Variants in ADGRF5 observed in about 807,000 individuals in gnomAD.
ADGRF5 encodes G-protein coupled receptor 116.
A neutral mutation model predicts 132.3 loss-of-function variants in ADGRF5; 75 were observed. The ratio of observed to expected loss-of-function variants is 0.57; its 90% CI spans 0.47 to 0.69. The LOEUF (loss-of-function observed/expected upper bound fraction) is 0.69, where lower values mean the gene tolerates loss of function less well. Among genes scored for constraint, ADGRF5 ranks in the 30% least tolerant of loss-of-function variants. The pLI is 0.00. For missense variants in ADGRF5, 1,516 were observed against 1,630.6 expected (o/e 0.93, Z 1.21); for synonymous variants, 629 against 597.6 (o/e 1.05, Z -0.77).
intron 4 of ADGRF5, among the ~76,000 whole-genome samples, chr6:46,887,595 T>A (rs575034333): frequency 6.6e-6 from 1 of 152,346 alleles, no homozygotes; most frequent in South Asian, 2.1e-4. Context: ...GATGGACTAT[T>A]TGAAATATGC....
intron 15 of ADGRF5, among the ~76,000 whole-genome samples, chr6:46,862,073 AC>A (rs768040929): frequency 3.3e-5 from 5 of 152,224 alleles, no homozygotes; most frequent in Non-Finnish European, 5.9e-5. Context: ...CATGCTTTGC[AC>A]ATAGTAGAGA....
Position 46,853,349 on chromosome 6 carries a change from A to G in ADGRF5, c.*643T>C, listed in dbSNP as rs1168241131. 1 of 151,976 alleles carries G rather than the reference A, an allele frequency of 6.6e-6. No homozygotes were observed. Among genetic ancestry groups the G allele is most frequent in the East Asian group, 1.9e-4 (1 of 5,174 alleles). The allele number at this position is 151,976 out of a possible 1,614,324, so 9.4% of individuals were successfully genotyped here. On this transcript the variant is annotated 3_prime_UTR_variant, in exon 21 of 21. Coordinates refer to ENST00000283296, the MANE Select transcript of ADGRF5 (RefSeq NM_001098518.2). ...TCCTCCTCTTAGCTAAGAAGACATC[A>G]GGAAGATACTGCCCAAAGTATTCAT...
At chr6:46,925,319 G>A (rs1427873799), upstream of ADGRF5, among the ~76,000 whole-genome samples, 4 of 152,150 alleles carry the variant, frequency 2.6e-5, no homozygotes, top group African/African-American at 4.8e-5. Context: ...TGCTTTCTTA[G>A]TGAGGCCTTC....
chr6:46,894,444 G>T (rs1012074750), intron 3 of ADGRF5, among the ~76,000 whole-genome samples: 1 of 152,136 alleles, frequency 6.6e-6, no homozygotes, highest in Non-Finnish European at 1.5e-5. Context: ...CTAGGGAAGA[G>T]AATTCATTCC....
intron 1 of ADGRF5, among the ~76,000 whole-genome samples, chr6:46,945,233 T>C (rs1368402195): frequency 1.3e-5 from 2 of 152,208 alleles, no homozygotes; most frequent in Non-Finnish European, 2.9e-5. Flanking sequence ...TTAAAACTCA[T>C]ATAGGAAGTG....
chr6:46,891,538 C>T (rs1773637278), intron 3 of ADGRF5, among the ~76,000 whole-genome samples: 2 of 151,748 alleles, frequency 1.3e-5, no homozygotes, highest in South Asian at 4.3e-4. Context: ...TGGTAGCTGC[C>T]TTTTGGATGG....
chr6:46,881,436 TCTAAACAATTTC>T lies in ADGRF5; in HGVS notation c.814+7_814+18del, dbSNP rs770782804. ...CATAACCATAAATAACATGACCATA[TCTAAACAATTTC>T]ACTTACTGATAGTAACTGCTTGAAA... On this transcript the variant is annotated splice_region_variant and intron_variant, in intron 8 of 20. Transcript: ENST00000283296. The T allele has an allele frequency of 1.4e-5, 23 of 1,604,604 alleles. No individual in the cohort carries two copies. The highest frequency in any genetic ancestry group is 2.0e-5 in the Non-Finnish European group (23 of 1,171,572).
intron 1 of ADGRF5, among the ~76,000 whole-genome samples, chr6:46,930,786 C>T (rs1051027282): frequency 6.6e-6 from 1 of 152,208 alleles, no homozygotes; most frequent in Non-Finnish European, 1.5e-5. Context: ...GGTGCGGCAG[C>T]TCACGCCTGT....
chr6:46,882,145 T>C, intron 6 of ADGRF5, 38 bp from the exon 7 acceptor site: 1 of 1,386,820 alleles, frequency 7.2e-7, no homozygotes, highest in South Asian at 1.2e-5. Flanking sequence ...TATATCAAAG[T>C]CGAGAAATAG....
At chr6:46,891,371 G>A (rs191846942) in intron 3 of ADGRF5, among the ~76,000 whole-genome samples, 59 of 152,282 alleles carry the variant, frequency 3.9e-4, no homozygotes, top group African/African-American at 1.3e-3. Flanking sequence ...GAGGAGAAAG[G>A]CTGCATAATA....
chr6:46,882,066 C>T lies in ADGRF5; in HGVS notation c.654G>A (p.Val218=). The part of the protein sequence containing the change: ...GYGILPGFKG[V]TVTGFKSGSV... ...ATTCTTACTTGAACCCTGTCACAGTCACGCCCTTGAAGCCTGGTAAAATTC... is the reference window on the plus strand; with the variant it reads ...ATTCTTACTTGAACCCTGTCACAGTTACGCCCTTGAAGCCTGGTAAAATTC... Residue 218 remains valine (V), a synonymous_variant, in exon 7 of 21, where the codon GTG becomes GTA. Coordinates refer to ENST00000283296, the MANE Select transcript of ADGRF5 (RefSeq NM_001098518.2). 1 of 1,610,442 alleles carries T rather than the reference C, an allele frequency of 6.2e-7. No individual in the cohort carries two copies. Among genetic ancestry groups the T allele is most frequent in the Non-Finnish European group, 8.5e-7 (1 of 1,176,736 alleles).
chr6:46,856,846 T>C (rs754978479), intron 18 of ADGRF5, 21 bp downstream of exon 18: 2 of 1,608,074 alleles, frequency 1.2e-6, no homozygotes, highest in South Asian at 1.1e-5. Context: ...TCTAGAAACA[T>C]GAAACTGTCA....
In ADGRF5 at chr6:46,919,674, C is replaced by A. The variant is rs115700912; in HGVS notation, c.-25+2039G>T. Among the ~76,000 whole-genome samples, 1,509 of 152,210 alleles carry A rather than the reference C, an allele frequency of 9.9e-3. 25 individuals carry two copies. The highest frequency in any genetic ancestry group is 0.033 in the African/African-American group (1,366 of 41,488). On this transcript the variant is annotated intron_variant, in intron 1 of 20. Transcript: ENST00000283296. ...TCTCTCATGTGGCTAACACTGTGCACTTGGAAGAAATGATTCATCGGAGTA... is the reference window on the plus strand; with the variant it reads ...TCTCTCATGTGGCTAACACTGTGCAATTGGAAGAAATGATTCATCGGAGTA...
At chr6:46,929,458 G>A (rs994844287) in intron 1 of ADGRF5, among the ~76,000 whole-genome samples, 5 of 148,598 alleles carry the variant, frequency 3.4e-5, no homozygotes, top group East Asian at 2.0e-4. Flanking sequence ...AAACCTGCAC[G>A]TTGTGCACAT....
chr6:46,854,365 T>C (rs1369591650), intron 20 of ADGRF5, among the ~76,000 whole-genome samples: 2 of 152,186 alleles, frequency 1.3e-5, no homozygotes, highest in African/African-American at 4.8e-5. Context: ...GCCCTGCACA[T>C]GCCATCACAT....
chr6:46,864,200 G>C (rs1770108786), intron 14 of ADGRF5, among the ~76,000 whole-genome samples: 1 of 152,154 alleles, frequency 6.6e-6, no homozygotes, highest in Non-Finnish European at 1.5e-5. Context: ...ATCCTTCCCT[G>C]CTGCTGAGGG....
At chr6:46,880,271 C>T (rs1459194593) in intron 8 of ADGRF5, among the ~76,000 whole-genome samples, 1 of 152,074 alleles carries the variant, frequency 6.6e-6, no homozygotes, top group African/African-American at 2.4e-5. Context: ...GGGTGTTTGC[C>T]CTATGGCTCC....
Position 46,867,073 on chromosome 6 carries a change from A to G in ADGRF5, c.1686T>C (p.Val562=). 1 of 1,613,880 alleles carries G rather than the reference A, an allele frequency of 6.2e-7. No homozygotes were observed. Among genetic ancestry groups the G allele is most frequent in the Non-Finnish European group, 8.5e-7 (1 of 1,179,736 alleles). Residue 562 remains valine (V), a synonymous_variant, in exon 13 of 21, where the codon GTT becomes GTC. Transcript: ENST00000283296. ...TGTTCAGCTTTAGAGGCAGCGGGTG[A>G]ACAATGACGTCTTTGGTTGCAATAC... ...SYSIATKDVI[V]HPLPLKLNIM...
intron 2 of ADGRF5, among the ~76,000 whole-genome samples, chr6:46,902,214 G>C (rs1031363486): frequency 1.9e-4 from 29 of 152,314 alleles, no homozygotes; most frequent in African/African-American, 6.5e-4. Flanking sequence ...GCAAAAGGAA[G>C]GTTCTTCGTG....
Sources: allele counts gnomAD v4.1 joint callset (sites outside exome capture counted in the v4.1 genomes callset), GRCh38; gene constraint gnomAD v4.1.1; transcripts MANE v1.5; gene names NCBI Gene and HGNC (gene_info 2026-07-23, HGNC 2026-07-21).